SAMD12: variants seen among roughly 807,000 people sequenced by gnomAD.
The protein encoded by SAMD12 is sterile alpha motif domain containing 12, also known as sterile alpha motif domain-containing protein 12.
A neutral mutation model predicts 15.0 loss-of-function variants in SAMD12; 9 were observed. The ratio of observed to expected loss-of-function variants is 0.60; its 90% CI spans 0.36 to 1.05. The LOEUF is 1.05. Among genes scored for constraint, SAMD12 ranks in the 50% least tolerant of loss-of-function variants. The pLI, the probability that SAMD12 is intolerant of heterozygous loss-of-function variation, is 0.01. For missense variants in SAMD12, 230 were observed against 234.2 expected, an observed-to-expected ratio of 0.98 and a Z score of 0.12; for synonymous variants, 86 against 90.1, an observed-to-expected ratio of 0.96 and a Z score of 0.25.
chr8:118,292,954 TGAC>T (rs1011398898), intron 4 of SAMD12, among the ~76,000 whole-genome samples: 2 of 151,042 alleles, frequency 1.3e-5, no homozygotes, highest in African/African-American at 4.9e-5. Context: ...TAATGCCAGA[TGAC>T]GAGTTAGTGG....
At chr8:118,347,457 C>T (rs1262992982) in intron 4 of SAMD12, among the ~76,000 whole-genome samples, 1 of 152,138 alleles carries the variant, frequency 6.6e-6, no homozygotes, top group African/African-American at 2.4e-5. Flanking sequence ...CAATCTAAGG[C>T]CTGCTATGTT....
intron 1 of SAMD12, among the ~76,000 whole-genome samples, chr8:118,587,163 AG>A (rs1176483259): frequency 1.7e-4 from 26 of 152,338 alleles, no homozygotes; most frequent in African/African-American, 6.0e-4. Flanking sequence ...ATTAGAATTG[AG>A]ATAGGTTATT....
chr8:118,519,962 A>G (rs1825345673), intron 2 of SAMD12, among the ~76,000 whole-genome samples: 1 of 152,194 alleles, frequency 6.6e-6, no homozygotes, highest in Non-Finnish European at 1.5e-5. Context: ...TGGTGCTTCC[A>G]TAAGTTATAA....
At chr8:118,496,197 A>T (rs1824602814) in intron 2 of SAMD12, among the ~76,000 whole-genome samples, 1 of 152,246 alleles carries the variant, frequency 6.6e-6, no homozygotes, top group Admixed American at 6.5e-5. Flanking sequence ...TTTTCACAGA[A>T]TTAGAAAAAA....
chr8:118,381,261 C>G (rs543870601), intron 3 of SAMD12, among the ~76,000 whole-genome samples: 15 of 152,240 alleles, frequency 9.9e-5, no homozygotes, highest in African/African-American at 3.6e-4. Flanking sequence ...TCAGTGGAAC[C>G]TGCATTTGTA....
intron 1 of SAMD12, among the ~76,000 whole-genome samples, chr8:118,592,738 T>A (rs1304558521): frequency 6.6e-6 from 1 of 152,184 alleles, no homozygotes; most frequent in Non-Finnish European, 1.5e-5. Context: ...CTGCATATAC[T>A]TGTACACACA....
chr8:118,294,578 T>C lies in SAMD12; in HGVS notation c.433+84982A>G, dbSNP rs545113003. ...TTATGAATAGGCCAGCACACAAAAC[T>C]GTATTTGTAAGAGGGACTGAGTGGT... is the stretch of plus-strand genomic sequence containing the variant. On this transcript the variant is annotated intron_variant, in intron 4 of 4. Coordinates refer to the SAMD12 transcript ENST00000409003. Among the ~76,000 whole-genome samples the C allele has an allele frequency of 2.6e-5, 4 of 152,318 alleles. 1 individual carries two copies. In the South Asian group the frequency reaches 8.3e-4, roughly 32 times the overall value.
At chr8:118,207,747 T>G (rs1173544307) in intron 4 of SAMD12, among the ~76,000 whole-genome samples, 2 of 152,188 alleles carry the variant, frequency 1.3e-5, no homozygotes, top group African/African-American at 4.8e-5. Context: ...TGCTTTAAAC[T>G]TATTTTAATT....
intron 4 of SAMD12, among the ~76,000 whole-genome samples, chr8:118,288,859 A>T (rs892366327): frequency 1.3e-5 from 2 of 152,224 alleles, no homozygotes; most frequent in African/African-American, 4.8e-5. Context: ...TACCAGGGGC[A>T]CATATATATG....
intron 3 of SAMD12, among the ~76,000 whole-genome samples, chr8:118,416,768 C>T (rs962262485): frequency 1.3e-5 from 2 of 152,188 alleles, no homozygotes; most frequent in Non-Finnish European, 2.9e-5. Flanking sequence ...CTTCTTCCAC[C>T]CCTTCAATCC....
intron 3 of SAMD12, among the ~76,000 whole-genome samples, chr8:118,434,718 G>A (rs4876836): frequency 0.58 from 88,594 of 152,018 alleles, 26,766 homozygotes; most frequent in Admixed American, 0.66. Context: ...AGAAACATAC[G>A]CAAATTTCTT....
At chr8:118,534,137 G>A (rs906093648) in intron 2 of SAMD12, among the ~76,000 whole-genome samples, 2 of 152,224 alleles carry the variant, frequency 1.3e-5, no homozygotes, top group African/African-American at 2.4e-5. Context: ...GGGCAGGCCT[G>A]GTGGTGACAA....
chr8:118,438,337 A>G (rs1822633304), intron 3 of SAMD12, among the ~76,000 whole-genome samples: 1 of 152,152 alleles, frequency 6.6e-6, no homozygotes, highest in African/African-American at 2.4e-5. Context: ...ATATTTAGAC[A>G]TATCAATGTG....
chr8:118,549,348 T>G (rs1235670221), intron 2 of SAMD12, among the ~76,000 whole-genome samples: 2 of 152,160 alleles, frequency 1.3e-5, no homozygotes, highest in Non-Finnish European at 2.9e-5. Context: ...AGAGGAAATA[T>G]CAGACAGCAG....
chr8:118,416,500 A>G (rs1217801963), intron 3 of SAMD12, among the ~76,000 whole-genome samples: 2 of 152,228 alleles, frequency 1.3e-5, no homozygotes, highest in Non-Finnish European at 2.9e-5. Flanking sequence ...CAAATAACAA[A>G]GACTAGTTTC....
intron 1 of SAMD12, among the ~76,000 whole-genome samples, chr8:118,618,961 G>T (rs1828319173): frequency 6.6e-6 from 1 of 152,012 alleles, no homozygotes; most frequent in Non-Finnish European, 1.5e-5. Context: ...TTCTATTCCA[G>T]TTCCTCTGGC....
At chr8:118,183,048 G>A in the SAMD12 span, among the ~76,000 whole-genome samples, 1 of 152,184 alleles carries the variant, frequency 6.6e-6, no homozygotes, top group Non-Finnish European at 1.5e-5. Context: ...TGCAGAATGA[G>A]GACTCCAAAT....
intron 3 of SAMD12, among the ~76,000 whole-genome samples, chr8:118,408,454 A>G (rs965005419): frequency 2.0e-5 from 3 of 152,130 alleles, no homozygotes; most frequent in African/African-American, 4.8e-5. Flanking sequence ...TCGCTTTCAG[A>G]GAGAAGTGTT....
intron 2 of SAMD12, among the ~76,000 whole-genome samples, chr8:118,449,938 A>G (rs1823029176): frequency 6.6e-6 from 1 of 152,106 alleles, no homozygotes; most frequent in South Asian, 2.1e-4. Context: ...CTGCAATGAC[A>G]CGGTATCACC....
Sources: allele counts gnomAD v4.1 joint callset (sites outside exome capture counted in the v4.1 genomes callset), GRCh38; gene constraint gnomAD v4.1.1; transcripts MANE v1.5; gene names NCBI Gene and HGNC (gene_info 2026-07-23, HGNC 2026-07-21).